NLGN1: variants seen among roughly 807,000 people sequenced by gnomAD.
The protein encoded by NLGN1 is neuroligin-1.
Under a neutral mutation model 65.5 loss-of-function variants are expected in NLGN1, and 12 were observed. The observed-to-expected ratio is 0.18, with a 90% CI of 0.12 to 0.30. NLGN1 has a LOEUF of 0.30. NLGN1 is among the 10% of genes least tolerant of loss of function. The pLI is 1.00. For missense variants in NLGN1, 750 were observed against 1,007.1 expected, an observed-to-expected ratio of 0.74 and a Z score of 3.46; for synonymous variants, 350 against 359.5, an observed-to-expected ratio of 0.97 and a Z score of 0.30.
At chr3:174,116,469 C>G (rs1716504036) in intron 4 of NLGN1, among the ~76,000 whole-genome samples, 2 of 150,788 alleles carry the variant, frequency 1.3e-5, no homozygotes, top group Non-Finnish European at 2.9e-5. Flanking sequence ...TCCTGAGTAG[C>G]TGGGATTACA....
intron 3 of NLGN1, among the ~76,000 whole-genome samples, chr3:173,795,472 A>C (rs1713838095): frequency 6.6e-6 from 1 of 152,168 alleles, no homozygotes; most frequent in South Asian, 2.1e-4. Flanking sequence ...ATATCAAATT[A>C]GCGAGAATGA....
intron 4 of NLGN1, among the ~76,000 whole-genome samples, chr3:173,890,196 A>G (rs1016628113): frequency 2.6e-5 from 4 of 152,172 alleles, no homozygotes; most frequent in African/African-American, 9.7e-5. Context: ...CCCTTATAAA[A>G]GTGAAGGTAT....
At chr3:173,831,572 C>G (rs1722565590) in intron 4 of NLGN1, among the ~76,000 whole-genome samples, 1 of 152,106 alleles carries the variant, frequency 6.6e-6, no homozygotes, top group Non-Finnish European at 1.5e-5. Context: ...GTATAAACAT[C>G]TTGATTAAAT....
chr3:173,749,167 G>A (rs749303578), intron 3 of NLGN1, among the ~76,000 whole-genome samples: 18 of 151,872 alleles, frequency 1.2e-4, no homozygotes, highest in East Asian at 1.9e-4. Context: ...TCTCACTCAC[G>A]CTTTTTGTTT....
chr3:173,601,531 G>A (rs1750546946), intron 2 of NLGN1, among the ~76,000 whole-genome samples: 2 of 151,866 alleles, frequency 1.3e-5, no homozygotes, highest in African/African-American at 4.8e-5. Flanking sequence ...TCTGTGACTT[G>A]TTTTGCCAAA....
intron 3 of NLGN1, among the ~76,000 whole-genome samples, chr3:173,662,933 A>G (rs1340147930): frequency 1.3e-5 from 2 of 152,052 alleles, no homozygotes. Flanking sequence ...ATTAAAGTAC[A>G]GAGGAACTAG....
intron 3 of NLGN1, among the ~76,000 whole-genome samples, chr3:173,744,385 A>T (rs1180716498): frequency 6.6e-6 from 1 of 152,094 alleles, no homozygotes; most frequent in Non-Finnish European, 1.5e-5. Flanking sequence ...AAGCAGATGC[A>T]CTCTCTGCTC....
chr3:173,737,894 T>C (rs111302366), intron 3 of NLGN1, among the ~76,000 whole-genome samples: 4 of 151,988 alleles, frequency 2.6e-5, no homozygotes, highest in Non-Finnish European at 1.5e-5. Flanking sequence ...GGATTCCAAC[T>C]TCTCTGCATC....
chr3:174,110,427 T>G (rs982536413), intron 4 of NLGN1, among the ~76,000 whole-genome samples: 1 of 152,000 alleles, frequency 6.6e-6, no homozygotes, highest in African/African-American at 2.4e-5. Context: ...TGTTTTTGCC[T>G]GGATCCGACA....
chr3:173,498,472 G>T (rs13096251), intron 2 of NLGN1, among the ~76,000 whole-genome samples: 72,363 of 151,496 alleles, frequency 0.48, 19,940 homozygotes, highest in East Asian at 0.81. Context: ...ATTTGGGTTG[G>T]TTCCAAGTCT....
intron 4 of NLGN1, among the ~76,000 whole-genome samples, chr3:174,148,421 A>G (rs1246205342): frequency 2.6e-5 from 4 of 152,266 alleles, no homozygotes; most frequent in East Asian, 1.9e-4. Flanking sequence ...AAATATAAAT[A>G]TACATTCCCC....
intron 3 of NLGN1, among the ~76,000 whole-genome samples, chr3:173,678,873 A>G (rs1048357471): frequency 7.9e-5 from 12 of 152,112 alleles, no homozygotes; most frequent in Non-Finnish European, 1.5e-4. Context: ...GAAAAGATGG[A>G]CCTATTTTAT....
intron 3 of NLGN1, among the ~76,000 whole-genome samples, chr3:173,665,243 T>C (rs1484897182): frequency 6.6e-6 from 1 of 152,114 alleles, no homozygotes; most frequent in Non-Finnish European, 1.5e-5. Context: ...AGTGAGTTAG[T>C]TCTCATGAGA....
intron 3 of NLGN1, among the ~76,000 whole-genome samples, chr3:173,734,507 C>G (rs1773426856): frequency 6.7e-6 from 1 of 148,988 alleles, no homozygotes. Context: ...AGTCGTTCTC[C>G]TGCCTCAGTC....
At chr3:173,943,278 C>T (rs967234482) in intron 4 of NLGN1, among the ~76,000 whole-genome samples, 1 of 151,958 alleles carries the variant, frequency 6.6e-6, no homozygotes, top group Admixed American at 6.6e-5. Flanking sequence ...TTTGTGAGCA[C>T]TTTAATATTA....
chr3:173,589,635 C>G (rs904203050), intron 2 of NLGN1, among the ~76,000 whole-genome samples: 9 of 152,122 alleles, frequency 5.9e-5, no homozygotes, highest in Non-Finnish European at 8.8e-5. Context: ...AGCACAGACA[C>G]TTTCTATAAA....
rs573366817 is a variant in NLGN1, at chr3:173,684,509, A to G, written c.493+79418A>G. Among the ~76,000 whole-genome samples, 11 of 152,340 alleles carry G rather than the reference A, an allele frequency of 7.2e-5. No individual in the cohort carries two copies. The South Asian group carries it at 2.1e-3, about 29-fold the overall frequency. ...CATTGCTCTAATTTACTTATAGGCC[A>G]TTAGCTTTCTACATATCTGGGCTTT... On this transcript the variant is annotated intron_variant, in intron 3 of 6. Transcript: ENST00000457714.
chr3:174,147,558 C>G (rs1169214303), intron 4 of NLGN1, among the ~76,000 whole-genome samples: 1 of 150,874 alleles, frequency 6.6e-6, no homozygotes, highest in Non-Finnish European at 1.5e-5. Flanking sequence ...CTCAGCCTCC[C>G]AAGTAGCTGG....
At chr3:173,998,321 A>G (rs532829063) in intron 4 of NLGN1, among the ~76,000 whole-genome samples, 1 of 152,286 alleles carries the variant, frequency 6.6e-6, no homozygotes, top group East Asian at 1.9e-4. Context: ...TTCCATTCAC[A>G]TGGAATTTAT....
Sources: gnomAD v4.1 joint callset for allele counts (sites outside exome capture counted in the v4.1 genomes callset) on GRCh38, gnomAD v4.1.1 for gene constraint, MANE v1.5 for transcripts, NCBI Gene and HGNC (gene_info 2026-07-23, HGNC 2026-07-21) for gene names.